FILIP1L: variants seen among roughly 807,000 people sequenced by gnomAD.
FILIP1L encodes the protein filamin A interacting protein 1 like, also known as filamin A-interacting protein 1-like.
In FILIP1L, 55 loss-of-function variants were observed where a neutral mutation model predicts 96.6. That is an observed-to-expected ratio of 0.57 (90% CI 0.46 to 0.71). FILIP1L has a LOEUF of 0.71. Ranked by LOEUF, FILIP1L falls within the 30% of genes least tolerant of loss-of-function variation. The pLI, the probability that FILIP1L is intolerant of heterozygous loss-of-function variation, is 0.00. For synonymous variants in FILIP1L, 467 were observed against 473.9 expected (o/e 0.99, Z 0.19); for missense variants, 1,304 against 1,321.2 (o/e 0.99, Z 0.20).
chr3:100,039,363 AGAT>A, intron 1 of FILIP1L, among the ~76,000 whole-genome samples: 1 of 152,376 alleles, frequency 6.6e-6, no homozygotes, highest in East Asian at 1.9e-4. Flanking sequence ...ATCAAAGAGC[AGAT>A]GAAATATAAT....
chr3:100,110,597 C>T (rs369724533), intron 1 of FILIP1L, among the ~76,000 whole-genome samples: 3 of 152,210 alleles, frequency 2.0e-5, no homozygotes, highest in East Asian at 1.9e-4. Flanking sequence ...GAAATAAAGT[C>T]GTGTATTTGC....
chr3:99,925,587 AT>A (rs1176662010), intron 3 of FILIP1L, among the ~76,000 whole-genome samples: 1 of 147,890 alleles, frequency 6.8e-6, no homozygotes, highest in Non-Finnish European at 1.5e-5. Flanking sequence ...TTTAAAAAAA[AT>A]TTTTGATTAA....
chr3:99,928,989 A>G (rs1430671295), intron 3 of FILIP1L, among the ~76,000 whole-genome samples: 2 of 152,218 alleles, frequency 1.3e-5, no homozygotes, highest in Admixed American at 6.5e-5. Context: ...CGAGAATAGC[A>G]AGGACATTAG....
intron 4 of FILIP1L, among the ~76,000 whole-genome samples, chr3:99,868,623 A>T (rs1424570835): frequency 6.6e-6 from 1 of 152,236 alleles, no homozygotes; most frequent in Non-Finnish European, 1.5e-5. Context: ...TCTGAAGGCC[A>T]AATAATGGGT....
At chr3:99,955,775 G>C (rs945120522) in intron 1 of FILIP1L, among the ~76,000 whole-genome samples, 4 of 152,102 alleles carry the variant, frequency 2.6e-5, no homozygotes, top group African/African-American at 9.7e-5. Flanking sequence ...CCACATTAGT[G>C]TATCCTGGAA....
chr3:100,031,583 A>G (rs1466945153), intron 1 of FILIP1L, among the ~76,000 whole-genome samples: 2 of 152,072 alleles, frequency 1.3e-5, no homozygotes, highest in African/African-American at 4.8e-5. Flanking sequence ...ACACCCAAAC[A>G]AGACCTGAGA....
chr3:99,882,331 C>G (rs1705756021), intron 4 of FILIP1L, among the ~76,000 whole-genome samples: 1 of 152,050 alleles, frequency 6.6e-6, no homozygotes, highest in African/African-American at 2.4e-5. Flanking sequence ...TTCCTTTTGT[C>G]TGGCAACTTC....
At chr3:99,861,499 A>G (rs1944252533) in intron 4 of FILIP1L, among the ~76,000 whole-genome samples, 1 of 151,824 alleles carries the variant, frequency 6.6e-6, no homozygotes. Context: ...TCAGGTTCCT[A>G]ATGCTTTCAT....
At chr3:100,069,681 T>C (rs568086528) in intron 1 of FILIP1L, among the ~76,000 whole-genome samples, 38 of 152,292 alleles carry the variant, frequency 2.5e-4, no homozygotes, top group African/African-American at 9.1e-4. Flanking sequence ...TATCAGGAAA[T>C]GTCGTCATGG....
intron 1 of FILIP1L, among the ~76,000 whole-genome samples, chr3:99,999,038 C>T (rs763480966): frequency 3.3e-5 from 5 of 152,302 alleles, no homozygotes; most frequent in Non-Finnish European, 5.9e-5. Context: ...TGAAGCCTTC[C>T]GTGCCTCCCA....
intron 1 of FILIP1L, among the ~76,000 whole-genome samples, chr3:100,015,031 A>T (rs1193099764): frequency 6.9e-6 from 1 of 144,838 alleles, no homozygotes; most frequent in East Asian, 2.1e-4. Flanking sequence ...TTCAGGTTTT[A>T]CATTTAAGGC....
chr3:99,995,942 A>T (rs1462491712), intron 1 of FILIP1L, among the ~76,000 whole-genome samples: 1 of 151,720 alleles, frequency 6.6e-6, no homozygotes, highest in Non-Finnish European at 1.5e-5. Flanking sequence ...TTGTGTGAAG[A>T]CCTCTGACAT....
chr3:100,069,810 G>T (rs2065729944), intron 1 of FILIP1L, among the ~76,000 whole-genome samples: 1 of 152,066 alleles, frequency 6.6e-6, no homozygotes, highest in Non-Finnish European at 1.5e-5. Flanking sequence ...ATTTGTGAGG[G>T]CATAAGCAGA....
intron 1 of FILIP1L, among the ~76,000 whole-genome samples, chr3:99,946,634 C>G (rs1282397463): frequency 6.6e-6 from 1 of 152,136 alleles, no homozygotes; most frequent in Non-Finnish European, 1.5e-5. Flanking sequence ...GCATCTAACC[C>G]ACTCTCTTCA....
chr3:100,100,650 A>G (rs1464609235), intron 1 of FILIP1L, among the ~76,000 whole-genome samples: 1 of 152,210 alleles, frequency 6.6e-6, no homozygotes, highest in African/African-American at 2.4e-5. Context: ...AAAATTATAC[A>G]GGAATGAAAA....
chr3:99,946,966 C>T (rs1179995749), intron 1 of FILIP1L, among the ~76,000 whole-genome samples: 1 of 151,902 alleles, frequency 6.6e-6, no homozygotes, highest in African/African-American at 2.4e-5. Flanking sequence ...AAAACCCCGC[C>T]TCTACTAAAA....
chr3:100,031,215 C>T (rs989815658), intron 1 of FILIP1L, among the ~76,000 whole-genome samples: 4 of 152,108 alleles, frequency 2.6e-5, no homozygotes, highest in Admixed American at 1.3e-4. Context: ...GTCTCATATG[C>T]CCAAAGTACC....
chr3:100,072,190 A>G (rs2065774225), intron 1 of FILIP1L, among the ~76,000 whole-genome samples: 1 of 152,218 alleles, frequency 6.6e-6, no homozygotes, highest in African/African-American at 2.4e-5. Flanking sequence ...GATCTTGGCC[A>G]CTGCAAATCT....
chr3:100,060,279 A>G (rs2065539512), intron 1 of FILIP1L, among the ~76,000 whole-genome samples: 1 of 152,096 alleles, frequency 6.6e-6, no homozygotes, highest in Non-Finnish European at 1.5e-5. Context: ...GTACCATGCA[A>G]GGAGAAACCA....
Sources: allele counts gnomAD v4.1 joint callset (sites outside exome capture counted in the v4.1 genomes callset), GRCh38; gene constraint gnomAD v4.1.1; transcripts MANE v1.5; gene names NCBI Gene and HGNC (gene_info 2026-07-23, HGNC 2026-07-21).